Variants in CNBD2 observed in about 807,000 individuals in gnomAD.
CNBD2 encodes the protein cyclic nucleotide binding domain containing 2, also known as cyclic nucleotide-binding domain-containing protein 2.
Under a neutral mutation model 63.7 loss-of-function variants are expected in CNBD2, and 64 were observed. That is an observed-to-expected ratio of 1.00 (90% CI 0.82 to 1.24). The LOEUF (loss-of-function observed/expected upper bound fraction) is 1.24. Ranked by LOEUF, CNBD2 falls within the 50% of genes most tolerant of loss-of-function variation. The probability of loss-of-function intolerance (pLI) is 0.00; values close to 1 mark genes in which losing one functional copy is unlikely to be tolerated. For synonymous variants in CNBD2, 229 were observed against 255.4 expected, an observed-to-expected ratio of 0.90 and a Z score of 0.99; for missense variants, 691 against 713.5, an observed-to-expected ratio of 0.97 and a Z score of 0.36.
chr20:35,991,645 A>T (rs780726536), intron 7 of CNBD2, among the ~76,000 whole-genome samples: 3 of 152,118 alleles, frequency 2.0e-5, no homozygotes, highest in Non-Finnish European at 4.4e-5. Flanking sequence ...TATTTTCTTT[A>T]ATCAGCATAA....
chr20:35,956,955 G>T (rs2056262476), downstream of CNBD2, among the ~76,000 whole-genome samples: 1 of 152,186 alleles, frequency 6.6e-6, no homozygotes, highest in African/African-American at 2.4e-5. Context: ...GAGAGATGAG[G>T]TTGGAACACT....
At chr20:36,015,673 C>A (rs186512837) in intron 10 of CNBD2, among the ~76,000 whole-genome samples, 1 of 152,076 alleles carries the variant, frequency 6.6e-6, no homozygotes, top group Non-Finnish European at 1.5e-5. Context: ...TAAAAGATCT[C>A]CCAATGGTCA....
intron 8 of CNBD2, among the ~76,000 whole-genome samples, chr20:36,004,159 C>T (rs2056952712): frequency 6.6e-6 from 1 of 152,152 alleles, no homozygotes; most frequent in African/African-American, 2.4e-5. Context: ...GTGAGCCCAA[C>T]CCACACTTAA....
chr20:35,985,314 TG>T (rs940902629), intron 6 of CNBD2, among the ~76,000 whole-genome samples: 1 of 151,372 alleles, frequency 6.6e-6, no homozygotes, highest in Non-Finnish European at 1.5e-5. Flanking sequence ...ACTGTAGGTG[TG>T]CTGCCACATC....
In CNBD2 at chr20:35,994,582, A is replaced by G. The variant is rs906052749; in HGVS notation, c.856-456A>G. On this transcript the variant is annotated intron_variant, in intron 7 of 11. Transcript: ENST00000373973. ...GTAAATAACATTTTCATTTAAAAAA[A>G]AAAAAAGAAAAAAAAAAAGCACCAG... Among the ~76,000 whole-genome samples the G allele has an allele frequency of 5.3e-5, 8 of 150,880 alleles. No individual in the cohort carries two copies. In the South Asian group the frequency reaches 1.7e-3, roughly 32 times the overall value.
intron 10 of CNBD2, among the ~76,000 whole-genome samples, chr20:36,016,173 A>T (rs1183673601): frequency 1.3e-5 from 2 of 152,206 alleles, no homozygotes; most frequent in South Asian, 2.1e-4. Context: ...CATCCCACAA[A>T]ATACTCAATG....
At chr20:35,954,834 G>T in exon 1 of CNBD2, 1 of 322,546 alleles carries the variant, frequency 3.1e-6, no homozygotes, top group Non-Finnish European at 6.3e-6. Context: ...GGAATGATTA[G>T]GGTGACGGCT....
chr20:35,979,566 T>G (rs2056568492), intron 3 of CNBD2, among the ~76,000 whole-genome samples: 1 of 152,246 alleles, frequency 6.6e-6, no homozygotes. Context: ...CGTCCACTTC[T>G]TAATAGTGTC....
chr20:36,024,234 C>T (rs1156231377), intron 11 of CNBD2, among the ~76,000 whole-genome samples: 2 of 152,172 alleles, frequency 1.3e-5, no homozygotes, highest in Admixed American at 6.5e-5. Context: ...ACTCAGGAGG[C>T]TGAGGTAGGA....
Position 36,008,346 on chromosome 20 carries a change from T to G in CNBD2, c.1020T>G (p.Pro340=), listed in dbSNP as rs1014443792. 3 of 1,613,798 alleles carry G rather than the reference T, an allele frequency of 1.9e-6. No homozygotes were observed. In the African/African-American group the frequency reaches 4.0e-5, roughly 22 times the overall value. The change falls in exon 9 of 12, where the codon CCT becomes CCG. Residue 340 remains proline, a synonymous_variant. Coordinates refer to ENST00000373973, the MANE Select transcript of CNBD2 (RefSeq NM_001365709.1). ...AGGAATTCCAGATCAAATCATATCC[T>G]CTGCAAGACTTTAGCTCCTTGAAAC... ...RFKEFQIKSY[P]LQDFSSLKLP...
chr20:36,002,875 T>G (rs377294969), intron 8 of CNBD2, among the ~76,000 whole-genome samples: 1 of 152,114 alleles, frequency 6.6e-6, no homozygotes, highest in Non-Finnish European at 1.5e-5. Context: ...GAACTCCAAT[T>G]ACATGTATAT....
chr20:35,995,546 T>C (rs529001063), intron 8 of CNBD2, among the ~76,000 whole-genome samples: 2 of 152,334 alleles, frequency 1.3e-5, no homozygotes, highest in East Asian at 3.9e-4. Context: ...CTGACTTCCT[T>C]CACTGAGCAC....
At chr20:35,967,328 C>T (rs2056354390), upstream of CNBD2, among the ~76,000 whole-genome samples, 1 of 139,558 alleles carries the variant, frequency 7.2e-6, no homozygotes, top group Non-Finnish European at 1.5e-5. Context: ...TGGCTGACTG[C>T]AACCTCTGCC....
chr20:36,011,126 T>A lies in CNBD2; in HGVS notation c.1149-11T>A. ...TACAGATGAGCTCTCTAACAAGCTG[T>A]CACATTTCAGATCCAGGCCTGCTCA... On this transcript the variant is annotated splice_polypyrimidine_tract_variant and intron_variant, in intron 9 of 11. Transcript: ENST00000373973. 1.3e-6 allele frequency: 2 copies of A among 1,524,012 alleles called. No homozygotes were observed. Among genetic ancestry groups the A allele is most frequent in the Non-Finnish European group, 1.8e-6 (2 of 1,131,350 alleles). 94.4% of individuals were successfully genotyped at this position (1,524,012 alleles called of 1,614,324 possible). A position where few individuals can be genotyped will look rare whatever the true frequency, so the allele number is the denominator to read the frequency against.
At chr20:36,014,547 TCTGGAACTCCTGAC>T (rs910041034) in intron 10 of CNBD2, among the ~76,000 whole-genome samples, 1 of 152,032 alleles carries the variant, frequency 6.6e-6, no homozygotes, top group Admixed American at 6.6e-5. Flanking sequence ...GCCAGGCTGG[TCTGGAACTCCTGAC>T]CTCATGGTCC....
intron 1 of CNBD2, among the ~76,000 whole-genome samples, chr20:35,971,183 G>A (rs1222975981): frequency 1.3e-5 from 2 of 151,886 alleles, no homozygotes; most frequent in South Asian, 2.1e-4. Flanking sequence ...TCCTGACCTC[G>A]TGATCCGCCC....
intron 10 of CNBD2, among the ~76,000 whole-genome samples, chr20:36,012,411 G>A (rs1190796055): frequency 6.6e-6 from 1 of 151,652 alleles, no homozygotes; most frequent in East Asian, 1.9e-4. Flanking sequence ...TCAGGAGGCA[G>A]AGGTTGAAGT....
At chr20:36,027,702 G>T (rs1157609462) in intron 11 of CNBD2, among the ~76,000 whole-genome samples, 8 of 149,336 alleles carry the variant, frequency 5.4e-5, no homozygotes, top group Non-Finnish European at 3.0e-5. Context: ...TTTAGACAGA[G>T]TCTTGCTTTG....
chr20:36,005,766 C>T (rs1471614004), intron 8 of CNBD2, among the ~76,000 whole-genome samples: 5 of 151,424 alleles, frequency 3.3e-5, no homozygotes, highest in East Asian at 2.0e-4. Flanking sequence ...CTGGCTAACA[C>T]GGTGAAACGC....
Sources: gnomAD v4.1 joint callset for allele counts (sites outside exome capture counted in the v4.1 genomes callset) on GRCh38, gnomAD v4.1.1 for gene constraint, MANE v1.5 for transcripts, NCBI Gene and HGNC (gene_info 2026-07-23, HGNC 2026-07-21) for gene names.